Variants in AVEN observed in about 807,000 individuals in gnomAD.
AVEN encodes apoptosis and caspase activation inhibitor, also known as cell death regulator Aven.
AVEN carries 41 observed loss-of-function variants against 38.1 expected under a neutral mutation model. That is an observed-to-expected ratio of 1.08 (90% CI 0.84 to 1.40). AVEN has a LOEUF of 1.40. AVEN is among the 40% of genes most tolerant of loss of function. AVEN has a pLI of 0.00. For missense variants in AVEN, 605 were observed against 438.8 expected, an observed-to-expected ratio of 1.38 and a Z score of -3.38; for synonymous variants, 206 against 171.8, an observed-to-expected ratio of 1.20 and a Z score of -1.56.
intron 2 of AVEN, among the ~76,000 whole-genome samples, chr15:33,996,224 C>A (rs1896925758): frequency 6.6e-6 from 1 of 152,240 alleles, no homozygotes; most frequent in African/African-American, 2.4e-5. Flanking sequence ...AGGCCTGCTG[C>A]CTCTGTAGAC....
Position 34,015,345 on chromosome 15 carries a change from C to T in AVEN, c.268-12136G>A, listed in dbSNP as rs190012659. Among the ~76,000 whole-genome samples, 1,036 of 151,906 alleles carry T rather than the reference C, an allele frequency of 6.8e-3. 5 individuals are homozygous for T. The highest frequency in any genetic ancestry group is 8.8e-3 in the Admixed American group (134 of 15,238). ...AAAAATACAAAAAATTAGCCAGGTGCGGTGGCGGGCACCTGTAGTCCAGCT... is the reference window on the plus strand; with the variant it reads ...AAAAATACAAAAAATTAGCCAGGTGTGGTGGCGGGCACCTGTAGTCCAGCT... On this transcript the variant is annotated intron_variant, in intron 1 of 5. Transcript: ENST00000306730.
At chr15:33,854,482 T>A, downstream of AVEN, 1 of 1,522,874 alleles carries the variant, frequency 6.6e-7, no homozygotes, top group Non-Finnish European at 8.9e-7. Context: ...CAAAATTCTA[T>A]ACCCCAGTTC....
intron 1 of AVEN, among the ~76,000 whole-genome samples, chr15:34,005,919 A>G (rs1304470410): frequency 6.6e-6 from 1 of 152,220 alleles, no homozygotes; most frequent in Non-Finnish European, 1.5e-5. Context: ...TGAAAACTAG[A>G]GCATTCCTGC....
Position 33,897,126 on chromosome 15 carries a change from T to C in AVEN, c.446-21131A>G, listed in dbSNP as rs142527653. ...TTCTAAAAATGACAAAATCCACAAATCTATAGTTGCCAGGAAAGGACTGGG... is the reference window on the plus strand; with the variant it reads ...TTCTAAAAATGACAAAATCCACAAACCTATAGTTGCCAGGAAAGGACTGGG... On this transcript the variant is annotated intron_variant, in intron 2 of 5. Coordinates refer to ENST00000306730, the MANE Select transcript of AVEN (RefSeq NM_020371.3). Among the ~76,000 whole-genome samples, 156 of 152,066 alleles carry C rather than the reference T, an allele frequency of 1.0e-3. 2 individuals are homozygous for C. Among genetic ancestry groups the C allele is most frequent in the African/African-American group, 3.7e-3 (154 of 41,438 alleles).
At chr15:34,042,536 G>A (rs1046911781), upstream of AVEN, among the ~76,000 whole-genome samples, 1 of 151,770 alleles carries the variant, frequency 6.6e-6, no homozygotes, top group East Asian at 2.0e-4. Context: ...GAGTAGCTAG[G>A]ATTACAGGCA....
intron 2 of AVEN, among the ~76,000 whole-genome samples, chr15:33,984,648 C>G (rs60551319): frequency 6.6e-6 from 1 of 152,132 alleles, no homozygotes; most frequent in Non-Finnish European, 1.5e-5. Context: ...GTGATCCACC[C>G]GTCTTGGCCT....
Position 33,977,536 on chromosome 15 carries a change from C to T in AVEN, c.445+25496G>A, listed in dbSNP as rs78275351. On this transcript the variant is annotated intron_variant, in intron 2 of 5. Transcript: ENST00000306730. ...GGGTGTTGTATCCCAGCCTCGTGGC[C>T]TCACTGAGCACCATTCTTATGCTTG... 2.4e-3 allele frequency among the ~76,000 whole-genome samples: 370 copies of T among 152,284 alleles called. 1 individual carries two copies. Among genetic ancestry groups the T allele is most frequent in the Admixed American group, 4.3e-3 (66 of 15,300 alleles).
intron 1 of AVEN, among the ~76,000 whole-genome samples, chr15:34,034,404 G>A (rs1042262729): frequency 2.7e-5 from 4 of 148,486 alleles, no homozygotes; most frequent in Non-Finnish European, 5.9e-5. Context: ...TCACACTACT[G>A]CACTCCAGCG....
At chr15:34,038,380 A>G (rs1057228574) in intron 1 of AVEN, among the ~76,000 whole-genome samples, 6 of 152,204 alleles carry the variant, frequency 3.9e-5, no homozygotes, top group African/African-American at 1.4e-4. Flanking sequence ...GTGCCCGTAA[A>G]GGCTGCCGAG....
the AVEN span, chr15:33,853,617 C>T: frequency 5.6e-6 from 9 of 1,613,804 alleles, no homozygotes; most frequent in Non-Finnish European, 7.6e-6. Context: ...TGGGTTTGGA[C>T]AAAAATGCTC....
downstream of AVEN, chr15:33,864,135 C>A: frequency 6.2e-7 from 1 of 1,609,776 alleles, no homozygotes; most frequent in Non-Finnish European, 8.5e-7. Flanking sequence ...TTCCTCGTTC[C>A]AGGTTCTTTC....
intron 1 of AVEN, among the ~76,000 whole-genome samples, chr15:34,017,575 G>C (rs1429775457): frequency 7.6e-5 from 11 of 145,196 alleles, no homozygotes; most frequent in African/African-American, 5.1e-5. Context: ...CCATCTCCCA[G>C]TTCAAGCAAT....
intron 2 of AVEN, among the ~76,000 whole-genome samples, chr15:33,964,759 CAAG>C (rs1377640671): frequency 6.6e-6 from 1 of 152,024 alleles, no homozygotes; most frequent in Non-Finnish European, 1.5e-5. Context: ...GACATAGAAA[CAAG>C]AAGAACACAT....
chr15:34,037,334 A>T (rs1027289644), intron 1 of AVEN, among the ~76,000 whole-genome samples: 1 of 152,012 alleles, frequency 6.6e-6, no homozygotes, highest in African/African-American at 2.4e-5. Context: ...ATAAAGTGGT[A>T]ACTGGTTCAC....
chr15:33,928,404 CAG>C (rs1269748845), intron 2 of AVEN, among the ~76,000 whole-genome samples: 2 of 152,056 alleles, frequency 1.3e-5, no homozygotes, highest in African/African-American at 4.8e-5. Context: ...CAATCTCTGG[CAG>C]AGAGGGCTGT....
chr15:33,890,901 A>T (rs1362437904), intron 2 of AVEN, among the ~76,000 whole-genome samples: 1 of 152,130 alleles, frequency 6.6e-6, no homozygotes, highest in Non-Finnish European at 1.5e-5. Flanking sequence ...AGAGCCCTGA[A>T]ATTTGAGGCC....
At chr15:34,026,178 A>G (rs1273241327) in intron 1 of AVEN, among the ~76,000 whole-genome samples, 1 of 152,090 alleles carries the variant, frequency 6.6e-6, no homozygotes, top group Non-Finnish European at 1.5e-5. Context: ...ATTTCCACAT[A>G]TTGTCATTTT....
chr15:33,885,215 G>A (rs138395785), intron 2 of AVEN, among the ~76,000 whole-genome samples: 2 of 152,096 alleles, frequency 1.3e-5, no homozygotes, highest in African/African-American at 4.8e-5. Flanking sequence ...AATAGTCACC[G>A]CAATGGCTGC....
At chr15:33,891,010 G>A (rs1891926544) in intron 2 of AVEN, among the ~76,000 whole-genome samples, 2 of 152,070 alleles carry the variant, frequency 1.3e-5, no homozygotes, top group South Asian at 4.2e-4. Flanking sequence ...TTGAGAGGCT[G>A]AGATGAGAGG....
Sources: gnomAD v4.1 joint callset for allele counts (sites outside exome capture counted in the v4.1 genomes callset) on GRCh38, gnomAD v4.1.1 for gene constraint, MANE v1.5 for transcripts, NCBI Gene and HGNC (gene_info 2026-07-23, HGNC 2026-07-21) for gene names.